Variants in CFP observed in about 807,000 individuals in gnomAD.
CFP encodes the protein properdin.
CFP carries 14 observed loss-of-function variants against 42.1 expected under a neutral mutation model. That is an observed-to-expected ratio of 0.33 (90% confidence interval 0.22 to 0.52). The LOEUF is 0.52. Ranked by LOEUF, CFP falls within the 20% of genes least tolerant of loss-of-function variation. CFP has a pLI of 0.96. For missense variants in CFP, 318 were observed against 400.4 expected (o/e 0.79, Z 1.76); for synonymous variants, 149 against 160.6 (o/e 0.93, Z 0.54).
chrX:47,627,720 G>C, intron 3 of CFP, 79 bp from the exon 4 acceptor site: 1 of 965,100 alleles, frequency 1.0e-6, no homozygotes, highest in Non-Finnish European at 1.4e-6. Flanking sequence ...TGCCCCACAT[G>C]AGCTAATCCT....
intron 1 of CFP, 42 bp from the exon 2 acceptor site, chrX:47,629,716 G>T (rs773292236): frequency 9.5e-5 from 110 of 1,162,915 alleles, no homozygotes; most frequent in Non-Finnish European, 1.3e-4. Context: ...GCTCGGTCAG[G>T]GATGTGGTGG....
chrX:47,629,860 C>T lies in CFP; in HGVS notation c.-16G>A, dbSNP rs763859314. The T allele has an allele frequency of 3.4e-6, 4 of 1,165,019 alleles. No homozygotes were observed. Among genetic ancestry groups the T allele is most frequent in the Middle Eastern group, 2.3e-4 (1 of 4,258 alleles). On this transcript the variant is annotated 5_prime_UTR_variant, in exon 1 of 9. Coordinates refer to ENST00000396992, the MANE Select transcript of CFP (RefSeq NM_001145252.3). The stretch of plus-strand genomic sequence containing the variant: ...CTGTGATCATGTTGAGTACTGCCCC[C>T]TGCACCTCTACCAGAGAGGAGGTCC...
chrX:47,625,906 A>C, intron 8 of CFP, 152 bp downstream of exon 8: 1 of 516,217 alleles, frequency 1.9e-6, no homozygotes. Flanking sequence ...TCATCTTCTT[A>C]GTTTCTCCCC....
intron 8 of CFP, chrX:47,624,868 A>T (rs2057962783): frequency 1.6e-5 from 2 of 121,296 alleles, no homozygotes; most frequent in African/African-American, 6.5e-5. Context: ...AAATGAGTTA[A>T]TTCAGGTAAA....
chrX:47,629,500 C>CCCCCCCCCCAGCACCCCCCAAA, intron 2 of CFP, 24 bp downstream of exon 2: 1 of 477,888 alleles, frequency 2.1e-6, no homozygotes, highest in Admixed American at 3.2e-5. Flanking sequence ...TCCCCCCCAT[C>CCCCCCCCCCAGCACCCCCCAAA]CCCCACCCCA....
chrX:47,624,096 G>C lies in CFP; in HGVS notation c.*179C>G. The C allele has an allele frequency of 2.1e-6, 1 of 487,483 alleles. No homozygotes were observed. The allele number at this position is 487,483 out of a possible 1,213,427, so 40.2% of individuals were successfully genotyped here. A position where few individuals can be genotyped will look rare whatever the true frequency, so the allele number is the denominator to read the frequency against. The stretch of plus-strand genomic sequence containing the variant: ...ACCACAGTGGAAAATACTGTTTTCC[G>C]CAACAGGCTGCTGTGTCTTGGCCCG... On this transcript the variant is annotated 3_prime_UTR_variant, in exon 9 of 9. Transcript: ENST00000396992.
At chrX:47,627,787 C>T (rs1472014719) in intron 3 of CFP, 146 bp from the exon 4 acceptor site, 3 of 652,562 alleles carry the variant, frequency 4.6e-6, no homozygotes, top group Non-Finnish European at 6.8e-6. Flanking sequence ...CCGGGCCTGC[C>T]GCAGCAACCT....
chrX:47,626,255 C>T, intron 7 of CFP, 73 bp downstream of exon 7: 1 of 1,160,229 alleles, frequency 8.6e-7, no homozygotes, highest in South Asian at 1.9e-5. Context: ...GTGAGGTCCA[C>T]AGCAGAGAGT....
chrX:47,629,618 C>T lies in CFP; in HGVS notation c.133G>A (p.Gly45Ser), dbSNP rs1258676172. ...ACGCTGACACCACCCCCCAGGAGGC[C>T]CTTGCACTTGCCGGAGGATTCTTCA... ...QYEESSGKCK[G>S]LLGGGVSVED... The change falls in exon 2 of 9, where the codon GGC becomes AGC. Residue 45 changes from glycine (G) to serine (S), a missense_variant. Coordinates refer to ENST00000396992, the MANE Select transcript of CFP (RefSeq NM_001145252.3). The T allele has an allele frequency of 8.5e-7, 1 of 1,174,047 alleles. No individual in the cohort carries two copies. The highest frequency in any genetic ancestry group is 1.1e-6 in the Non-Finnish European group (1 of 875,695).
At chrX:47,624,483 G>A (rs1264249069) in intron 8 of CFP, 43 bp from the exon 9 acceptor site, 1 of 1,152,373 alleles carries the variant, frequency 8.7e-7, no homozygotes, top group African/African-American at 1.8e-5. Context: ...GAGAATCTCA[G>A]GGAAGGCAAG....
In CFP at chrX:47,626,281, C is replaced by T. The variant is rs369319515; in HGVS notation, c.1132+47G>A. 9 of 1,186,976 alleles carry T rather than the reference C, an allele frequency of 7.6e-6. No homozygotes were observed. The African/African-American group carries it at 1.4e-4, about 19-fold the overall frequency. ...AGCAGAGAGTTGGAAACCCCTTATCCTGCATGGGCCACCCCACCCTCAGAG... is the reference window on the plus strand; with the variant it reads ...AGCAGAGAGTTGGAAACCCCTTATCTTGCATGGGCCACCCCACCCTCAGAG... On this transcript the variant is annotated intron_variant, in intron 7 of 8. Transcript: ENST00000396992.
Position 47,629,649 on chromosome X carries a change from G to A in CFP, c.102C>T (p.Thr34=), listed in dbSNP as rs1159504177. 1 of 1,171,984 alleles carries A rather than the reference G, an allele frequency of 8.5e-7. No individual in the cohort carries two copies. Among genetic ancestry groups the A allele is most frequent in the Non-Finnish European group, 1.1e-6 (1 of 874,361 alleles). ...ATGSDPVLCF[T]QYEESSGKCK... is the part of the protein sequence containing the mutation. ...ACTTGCCGGAGGATTCTTCATACTGGGTGAAGCAGAGCACGGGGTCTGAGC... is the reference window on the plus strand; with the variant it reads ...ACTTGCCGGAGGATTCTTCATACTGAGTGAAGCAGAGCACGGGGTCTGAGC... Residue 34 remains threonine, a synonymous_variant, in exon 2 of 9, where the codon ACC becomes ACT. Transcript: ENST00000396992.
At chrX:47,625,872 A>C (rs2057965952) in intron 8 of CFP, 186 bp downstream of exon 8, 1 of 486,393 alleles carries the variant, frequency 2.1e-6, no homozygotes, top group African/African-American at 2.3e-5. Context: ...AGAGGCTACG[A>C]ATTATCCTCC....
intron 2 of CFP, 24 bp downstream of exon 2, chrX:47,629,500 C>CCCCCCCCCCCGGGCCCCCCAAA: frequency 2.1e-6 from 1 of 477,882 alleles, no homozygotes; most frequent in Non-Finnish European, 3.6e-6. Context: ...TCCCCCCCAT[C>CCCCCCCCCCCGGGCCCCCCAAA]CCCCACCCCA....
chrX:47,625,948 A>T, intron 8 of CFP, 110 bp downstream of exon 8: 1 of 624,317 alleles, frequency 1.6e-6, no homozygotes, highest in Non-Finnish European at 2.7e-6. Context: ...GCACTCGGCA[A>T]GGCAGATACC....
Position 47,626,357 on chromosome X carries a change from C to A in CFP, c.1103G>T (p.Arg368Leu). The A allele has an allele frequency of 8.3e-7, 1 of 1,211,222 alleles. No homozygotes were observed. Among genetic ancestry groups the A allele is most frequent in the Non-Finnish European group, 1.1e-6 (1 of 895,269 alleles). ...HRCAGQQQDI[R>L]HCYSIQHCPL... ...GCAGTGCTGGATGCTGTAGCAGTGC[C>A]GGATATCCTGCTGTTGCCCGGCACA... Residue 368 changes from arginine to leucine, a missense_variant, in exon 7 of 9, where the codon CGG becomes CTG. Arg to Leu is a moderately radical substitution (Grantham distance 102). Coordinates refer to ENST00000396992, the MANE Select transcript of CFP (RefSeq NM_001145252.3).
rs1444055146 is a variant in CFP at position 47,629,577 on chromosome X, G to T, written c.174C>A (p.Leu58=). The T allele has an allele frequency of 8.8e-7, 1 of 1,134,014 alleles. No individual in the cohort carries two copies. The highest frequency in any genetic ancestry group is 2.6e-5 in the Admixed American group (1 of 37,880). 93.5% of individuals were successfully genotyped at this position (1,134,014 alleles called of 1,213,427 possible). A position where few individuals can be genotyped will look rare whatever the true frequency, so the allele number is the denominator to read the frequency against. The stretch of plus-strand genomic sequence containing the variant: ...GTTTCTGGTAGGCAAAGGCAGTGTT[G>T]AGACAGCAGTCTTCCACGCTGACAC... The part of the protein sequence containing the change: ...GGGVSVEDCC[L]NTAFAYQKRS... The change falls in exon 2 of 9, where the codon CTC becomes CTA. Residue 58 remains leucine, a synonymous_variant. Coordinates refer to ENST00000396992, the MANE Select transcript of CFP (RefSeq NM_001145252.3).
At chrX:47,626,750 A>G (rs772735314) in intron 6 of CFP, 23 bp downstream of exon 6, 1 of 1,192,997 alleles carries the variant, frequency 8.4e-7, no homozygotes, top group South Asian at 1.8e-5. Context: ...AGGCATGCAA[A>G]TCGTGAACCC....
chrX:47,624,004 T>C lies in CFP; in HGVS notation c.*271A>G, dbSNP rs1603081448. 1 of 368,196 alleles carries C rather than the reference T, an allele frequency of 2.7e-6. No homozygotes were observed. Among genetic ancestry groups the C allele is most frequent in the East Asian group, 5.0e-5 (1 of 20,063 alleles). 30.3% of individuals were successfully genotyped at this position (368,196 alleles called of 1,213,427 possible). A position where few individuals can be genotyped will look rare whatever the true frequency, so the allele number is the denominator to read the frequency against. ...AAGGGGGCTGCGCAGGGCCCAGACATTGGGGTTATGGCAGCGGCGGGGAGA... is the reference window on the plus strand; with the variant it reads ...AAGGGGGCTGCGCAGGGCCCAGACACTGGGGTTATGGCAGCGGCGGGGAGA... On this transcript the variant is annotated 3_prime_UTR_variant, in exon 9 of 9. Transcript: ENST00000396992.
Sources: gnomAD v4.1 joint callset for allele counts on GRCh38, gnomAD v4.1.1 for gene constraint, MANE v1.5 for transcripts, NCBI Gene and HGNC (gene_info 2026-07-23, HGNC 2026-07-21) for gene names.